The following PCDH15 variants were observed in gnomAD, a reference collection of about 807,000 sequenced individuals.
The protein encoded by PCDH15 is protocadherin-15.
In PCDH15, 129 loss-of-function variants were observed where a neutral mutation model predicts 178.5. That is an observed-to-expected ratio of 0.72 (90% CI 0.63 to 0.84). PCDH15 has a LOEUF of 0.84. Among genes scored for constraint, PCDH15 ranks in the 40% least tolerant of loss-of-function variants. The pLI, the probability that PCDH15 is intolerant of heterozygous loss-of-function variation, is 0.00. For missense variants in PCDH15, 2,230 were observed against 2,099.9 expected (o/e 1.06, Z -1.21); for synonymous variants, 800 against 732.0 (o/e 1.09, Z -1.50).
chr10:55,309,784 G>C (rs767949129), intron 1 of PCDH15, among the ~76,000 whole-genome samples: 20 of 152,102 alleles, frequency 1.3e-4, no homozygotes, highest in Non-Finnish European at 2.5e-4. Context: ...TCTTTAAAAA[G>C]AGTTACATTC....
chr10:54,519,860 C>T (rs1308484120), intron 3 of PCDH15, among the ~76,000 whole-genome samples: 1 of 152,144 alleles, frequency 6.6e-6, no homozygotes, highest in Non-Finnish European at 1.5e-5. Context: ...GGTACCAAAA[C>T]AGAGATATAG....
intron 1 of PCDH15, among the ~76,000 whole-genome samples, chr10:55,173,551 C>A (rs1839399782): frequency 6.6e-6 from 1 of 151,900 alleles, no homozygotes; most frequent in African/African-American, 2.4e-5. Context: ...TGGTTGAAAG[C>A]TTTAATGCAT....
chr10:54,921,945 G>A (rs1159125867), intron 2 of PCDH15, among the ~76,000 whole-genome samples: 1 of 152,078 alleles, frequency 6.6e-6, no homozygotes, highest in Non-Finnish European at 1.5e-5. Context: ...GAGTGAAGAG[G>A]GAAGTGCAAA....
In PCDH15 at chr10:55,502,083, C is replaced by A. The variant is rs540075167; in HGVS notation, c.-156+125542G>T. Among the ~76,000 whole-genome samples the A allele has an allele frequency of 9.2e-5, 14 of 151,542 alleles. No individual in the cohort carries two copies. In the South Asian group the frequency reaches 2.9e-3, roughly 32 times the overall value. On this transcript the variant is annotated intron_variant, in intron 2 of 5. Coordinates refer to the PCDH15 transcript ENST00000613346. ...AAAATTCATTCACATGTAAGAAAAC[C>A]CTCTCCTAAGTAAAAATTAATTTTA...
chr10:54,573,147 C>T (rs1374438887), intron 2 of PCDH15, among the ~76,000 whole-genome samples: 1 of 152,018 alleles, frequency 6.6e-6, no homozygotes. Flanking sequence ...CTATCAATTT[C>T]AGGAGTGGAT....
At chr10:54,762,968 G>A (rs991405408) in intron 1 of PCDH15, among the ~76,000 whole-genome samples, 1 of 152,092 alleles carries the variant, frequency 6.6e-6, no homozygotes, top group African/African-American at 2.4e-5. Context: ...TAAAGCATAA[G>A]TTTGTGTCAC....
intron 17 of PCDH15, among the ~76,000 whole-genome samples, chr10:54,071,543 CTA>C (rs2094243186): frequency 6.6e-6 from 1 of 151,996 alleles, no homozygotes; most frequent in Non-Finnish European, 1.5e-5. Flanking sequence ...GGCTAGAAAA[CTA>C]TTTCTTTATA....
At chr10:55,597,308 A>T (rs1190461761) in intron 2 of PCDH15, 1 of 152,180 alleles carries the variant, frequency 6.6e-6, no homozygotes, top group Admixed American at 6.5e-5. Flanking sequence ...AGATACGTTC[A>T]CGCATAATTT....
intron 3 of PCDH15, among the ~76,000 whole-genome samples, chr10:54,879,473 T>C (rs945004343): frequency 6.6e-5 from 10 of 152,056 alleles, no homozygotes; most frequent in African/African-American, 2.4e-4. Context: ...AAAGATTTTA[T>C]TCAAACTAAG....
Position 54,478,495 on chromosome 10 carries a change from C to T in PCDH15, c.157+49317G>A, listed in dbSNP as rs192987495. ...GTATTGCCAAGTTTGAAACTGAATG[C>T]TCTATCTCATTCCTTTAAGCCAAAT... On this transcript the variant is annotated intron_variant, in intron 3 of 37. Transcript: ENST00000644397. 4.1e-3 allele frequency among the ~76,000 whole-genome samples: 629 copies of T among 152,170 alleles called. 3 individuals are homozygous for T. The highest frequency in any genetic ancestry group is 0.015 in the African/African-American group (607 of 41,530).
At chr10:55,275,166 ATC>A (rs140420655) in intron 1 of PCDH15, among the ~76,000 whole-genome samples, 5,079 of 152,054 alleles carry the variant, frequency 0.033, 126 homozygotes, top group South Asian at 0.067. Flanking sequence ...CAATTTTGCA[ATC>A]TGTTTAATGG....
intron 2 of PCDH15, among the ~76,000 whole-genome samples, chr10:55,566,781 T>C (rs905412152): frequency 1.3e-5 from 2 of 151,762 alleles, no homozygotes; most frequent in African/African-American, 4.8e-5. Context: ...AATTAAAGAA[T>C]ATAAAAATGA....
intron 8 of PCDH15, among the ~76,000 whole-genome samples, chr10:54,244,347 C>G (rs886216461): frequency 4.6e-5 from 7 of 152,102 alleles, no homozygotes; most frequent in Non-Finnish European, 1.0e-4. Flanking sequence ...AGTTTGTTTA[C>G]CTGGGATTAT....
chr10:54,416,920 T>G (rs1008525597), intron 3 of PCDH15, among the ~76,000 whole-genome samples: 1 of 152,214 alleles, frequency 6.6e-6, no homozygotes. Context: ...GTAGATGTCA[T>G]CTTTTGAGAA....
chr10:55,538,655 CCTTCCTTCCACATTTCCTTG>C (rs1370117891), intron 2 of PCDH15, among the ~76,000 whole-genome samples: 1 of 4,876 alleles, frequency 2.1e-4, no homozygotes, highest in African/African-American at 8.8e-4. Context: ...TCCTTTCCTT[CCTTCCTTCCACATTTCCTTG>C]CTTCCTCCCT....
chr10:55,101,759 C>CAT (rs548028180), intron 2 of PCDH15, among the ~76,000 whole-genome samples: 4 of 151,154 alleles, frequency 2.6e-5, no homozygotes, highest in South Asian at 2.1e-4. Flanking sequence ...ATATATTTTG[C>CAT]ATATATATAT....
intron 5 of PCDH15, among the ~76,000 whole-genome samples, chr10:54,358,147 A>T (rs1945347779): frequency 6.8e-6 from 1 of 146,834 alleles, no homozygotes; most frequent in South Asian, 2.1e-4. Context: ...ATGGCAACAA[A>T]AGCTAAAATT....
chr10:55,165,065 C>A, intron 2 of PCDH15, among the ~76,000 whole-genome samples: 1 of 152,032 alleles, frequency 6.6e-6, no homozygotes, highest in East Asian at 1.9e-4. Flanking sequence ...GCTGTTTGTG[C>A]TACATTTTTA....
At chr10:53,966,439 C>A (rs977609707) in intron 21 of PCDH15, among the ~76,000 whole-genome samples, 1 of 152,096 alleles carries the variant, frequency 6.6e-6, no homozygotes, top group East Asian at 1.9e-4. Context: ...CTTCCTCCCT[C>A]CTTTCCTTTC....
Sources: gnomAD v4.1 joint callset for allele counts (sites outside exome capture counted in the v4.1 genomes callset) on GRCh38, gnomAD v4.1.1 for gene constraint, MANE v1.5 for transcripts, NCBI Gene and HGNC (gene_info 2026-07-23, HGNC 2026-07-21) for gene names.